Variants in MCPH1 observed in about 807,000 individuals in gnomAD.
The protein encoded by MCPH1 is microcephalin.
MCPH1 carries 104 observed loss-of-function variants against 84.5 expected under a neutral mutation model. That is an observed-to-expected ratio of 1.23 (90% CI 1.05 to 1.45). MCPH1 has a LOEUF of 1.45. Among genes scored for constraint, MCPH1 ranks in the 40% most tolerant of loss-of-function variants. MCPH1 has a pLI of 0.00. For missense variants in MCPH1, 1,498 were observed against 1,005.7 expected (o/e 1.49, Z -6.62); for synonymous variants, 514 against 366.8 (o/e 1.40, Z -4.58).
chr8:6,585,584 G>A (rs1452657065), intron 12 of MCPH1, among the ~76,000 whole-genome samples: 1 of 152,208 alleles, frequency 6.6e-6, no homozygotes, highest in African/African-American at 2.4e-5. Flanking sequence ...AGAGAATACT[G>A]TATTTGTTTT....
At chr8:6,590,539 T>C (rs1387125495) in intron 12 of MCPH1, among the ~76,000 whole-genome samples, 2 of 152,216 alleles carry the variant, frequency 1.3e-5, no homozygotes, top group Admixed American at 1.3e-4. Context: ...TGGGTTCTGG[T>C]TGACCAGAGG....
intron 9 of MCPH1, among the ~76,000 whole-genome samples, chr8:6,470,693 C>G (rs1807604740): frequency 6.6e-6 from 1 of 152,262 alleles, no homozygotes; most frequent in Admixed American, 6.5e-5. Flanking sequence ...CATGAATACA[C>G]ATAAACTTCT....
At chr8:6,500,829 A>G (rs1255125970) in intron 12 of MCPH1, 1 of 152,218 alleles carries the variant, frequency 6.6e-6, no homozygotes, top group Non-Finnish European at 1.5e-5. Context: ...GAGATTATAT[A>G]TGATGCACAA....
intron 12 of MCPH1, among the ~76,000 whole-genome samples, chr8:6,541,074 A>G (rs988771470): frequency 1.3e-5 from 2 of 152,328 alleles, no homozygotes; most frequent in African/African-American, 2.4e-5. Flanking sequence ...CTTGGAGCCA[A>G]CGTCCCTAGG....
intron 12 of MCPH1, among the ~76,000 whole-genome samples, chr8:6,559,098 CAGGAGG>C (rs1374764838): frequency 6.6e-6 from 1 of 152,126 alleles, no homozygotes; most frequent in African/African-American, 2.4e-5. Flanking sequence ...TTGTCCTCCG[CAGGAGG>C]ACCACGGGAG....
At chr8:6,420,045 T>C (rs1216054923) in intron 3 of MCPH1, among the ~76,000 whole-genome samples, 2 of 151,720 alleles carry the variant, frequency 1.3e-5, no homozygotes, top group African/African-American at 2.4e-5. Flanking sequence ...TAGGTGATGC[T>C]GGTGAGGGAG....
chr8:6,449,906 G>C (rs926247150), intron 8 of MCPH1, among the ~76,000 whole-genome samples: 10 of 152,200 alleles, frequency 6.6e-5, no homozygotes, highest in Admixed American at 5.2e-4. Flanking sequence ...TGGTCATCCT[G>C]AACTAGTGCA....
At chr8:6,429,506 C>G (rs1446831642) in intron 3 of MCPH1, among the ~76,000 whole-genome samples, 1 of 152,126 alleles carries the variant, frequency 6.6e-6, no homozygotes, top group East Asian at 1.9e-4. Context: ...TCCCCCGCCC[C>G]AGCTGCCAGG....
At chr8:6,419,256 G>C (rs1799808236) in intron 3 of MCPH1, among the ~76,000 whole-genome samples, 1 of 151,744 alleles carries the variant, frequency 6.6e-6, no homozygotes. Context: ...GTCTTGCTCT[G>C]TTGCCGAGGC....
intron 11 of MCPH1, among the ~76,000 whole-genome samples, chr8:6,484,530 C>T (rs775281209): frequency 1.1e-4 from 16 of 152,184 alleles, no homozygotes; most frequent in South Asian, 2.1e-4. Context: ...ATATTTGCCT[C>T]GGAGAAATGA....
At chr8:6,485,528 T>TA (rs142329361) in intron 11 of MCPH1, among the ~76,000 whole-genome samples, 17,797 of 149,570 alleles carry the variant, frequency 0.12, 1,120 homozygotes, top group African/African-American at 0.16. Context: ...TTTTCTATCT[T>TA]AAAAAAAAAA....
intron 8 of MCPH1, among the ~76,000 whole-genome samples, chr8:6,454,935 G>T (rs886305499): frequency 6.6e-6 from 1 of 152,162 alleles, no homozygotes. Flanking sequence ...GATTGTTACC[G>T]ACCATTGAAT....
chr8:6,468,932 T>C (rs975170469), intron 9 of MCPH1, among the ~76,000 whole-genome samples: 1 of 152,192 alleles, frequency 6.6e-6, no homozygotes, highest in Admixed American at 6.5e-5. Flanking sequence ...CTCATGCTTG[T>C]AATCCCAGCA....
chr8:6,634,074 T>C (rs1419995274), intron 13 of MCPH1, among the ~76,000 whole-genome samples: 1 of 152,076 alleles, frequency 6.6e-6, no homozygotes, highest in East Asian at 1.9e-4. Flanking sequence ...CAGAAGTTAA[T>C]GAAAAATAGA....
intron 4 of MCPH1, 79 bp from the exon 5 acceptor site, chr8:6,435,969 G>A: frequency 6.4e-7 from 1 of 1,553,970 alleles, no homozygotes; most frequent in Non-Finnish European, 8.7e-7. Context: ...AAAGGTATCA[G>A]AAATGTATGC....
intron 12 of MCPH1, among the ~76,000 whole-genome samples, chr8:6,577,135 C>A (rs944338337): frequency 6.6e-6 from 1 of 152,182 alleles, no homozygotes; most frequent in Admixed American, 6.5e-5. Flanking sequence ...GTGCTGTGAA[C>A]CTGCTCTCAG....
chr8:6,590,997 G>A lies in MCPH1; in HGVS notation c.2215-30457G>A, dbSNP rs191141059. 1.5e-3 allele frequency among the ~76,000 whole-genome samples: 235 copies of A among 152,342 alleles called. 2 individuals are homozygous for A. Among genetic ancestry groups the A allele is most frequent in the Admixed American group, 0.011 (166 of 15,298 alleles). ...GCTCACTGCAACCTCCGCTTCCTGG[G>A]CTCAAGTAATTCTGCCTCAGCCTCC... On this transcript the variant is annotated intron_variant, in intron 12 of 13. Coordinates refer to ENST00000344683, the MANE Select transcript of MCPH1 (RefSeq NM_024596.5).
intron 8 of MCPH1, among the ~76,000 whole-genome samples, chr8:6,454,556 C>T (rs990248309): frequency 2.6e-5 from 4 of 152,198 alleles, no homozygotes; most frequent in African/African-American, 9.6e-5. Flanking sequence ...TCGTGGGTTA[C>T]TTAGGTCTAC....
chr8:6,471,410 A>G lies in MCPH1; in HGVS notation c.1936-6184A>G, dbSNP rs1006980775. On this transcript the variant is annotated intron_variant, in intron 9 of 13. Coordinates refer to ENST00000344683, the MANE Select transcript of MCPH1 (RefSeq NM_024596.5). Reference sequence around the variant, plus strand: ...ATTGCGCTGAAAAAAATGATACTCAATTACAGTTTCACAATTCTGGAGGGA... The same window carrying G: ...ATTGCGCTGAAAAAAATGATACTCAGTTACAGTTTCACAATTCTGGAGGGA... 2.0e-5 allele frequency among the ~76,000 whole-genome samples: 3 copies of G among 152,210 alleles called. 1 individual carries two copies. Among genetic ancestry groups the G allele is most frequent in the African/African-American group, 4.8e-5 (2 of 41,454 alleles).
Sources: allele counts gnomAD v4.1 joint callset (sites outside exome capture counted in the v4.1 genomes callset), GRCh38; gene constraint gnomAD v4.1.1; transcripts MANE v1.5; gene names NCBI Gene and HGNC (gene_info 2026-07-23, HGNC 2026-07-21).